TSPAN7: variants seen among roughly 807,000 people sequenced by gnomAD.
The protein encoded by TSPAN7 is tetraspanin 7.
Under a neutral mutation model 17.6 loss-of-function variants are expected in TSPAN7, and 1 was observed. The observed-to-expected ratio is 0.06, with a 90% CI of 0.02 to 0.27. TSPAN7 has a LOEUF of 0.27. Ranked by LOEUF, TSPAN7 falls within the 10% of genes least tolerant of loss-of-function variation. The probability of loss-of-function intolerance (pLI) is 1.00; values close to 1 mark genes in which losing one functional copy is unlikely to be tolerated. For missense variants in TSPAN7, 112 were observed against 201.7 expected (o/e 0.56, Z 2.69); for synonymous variants, 78 against 79.0 (o/e 0.99, Z 0.07).
At chrX:38,562,242 A>G (rs765815458) in intron 1 of TSPAN7, among the ~76,000 whole-genome samples, 9 of 111,682 alleles carry the variant, frequency 8.1e-5, no homozygotes, top group Middle Eastern at 4.6e-3. Flanking sequence ...AGAGGGTCTT[A>G]CATAAGCCGG....
At chrX:38,653,964 T>C (rs1221141900) in intron 1 of TSPAN7, among the ~76,000 whole-genome samples, 2 of 112,232 alleles carry the variant, frequency 1.8e-5, no homozygotes, top group Non-Finnish European at 3.8e-5. Context: ...TATTTATTTT[T>C]AATTATGGCA....
intron 1 of TSPAN7, among the ~76,000 whole-genome samples, chrX:38,631,371 A>G (rs947433401): frequency 8.9e-6 from 1 of 111,958 alleles, no homozygotes; most frequent in Admixed American, 9.5e-5. Flanking sequence ...TTTTAAAAAA[A>G]GGAAAGAGAA....
intron 1 of TSPAN7, among the ~76,000 whole-genome samples, chrX:38,636,113 A>G (rs1166889623): frequency 1.0e-5 from 1 of 97,357 alleles, no homozygotes; most frequent in Non-Finnish European, 2.0e-5. Context: ...TTTATTTTGC[A>G]AAACATAAGG....
At chrX:38,617,173 G>A (rs751503448) in intron 1 of TSPAN7, among the ~76,000 whole-genome samples, 82 of 111,746 alleles carry the variant, frequency 7.3e-4, no homozygotes, top group South Asian at 5.0e-3. Context: ...CCACTTTCTC[G>A]TGCTGAAGAA....
intron 1 of TSPAN7, among the ~76,000 whole-genome samples, chrX:38,577,347 C>A (rs1365275708): frequency 9.0e-6 from 1 of 111,126 alleles, no homozygotes; most frequent in Non-Finnish European, 1.9e-5. Context: ...TCCTCACCCT[C>A]CCCACCATCT....
intron 1 of TSPAN7, among the ~76,000 whole-genome samples, chrX:38,597,272 C>T (rs1391892132): frequency 9.0e-6 from 1 of 111,234 alleles, no homozygotes; most frequent in Non-Finnish European, 1.9e-5. Flanking sequence ...TCAAACAAGG[C>T]AATGCTCTAC....
chrX:38,658,132 G>T (rs1328228655), intron 1 of TSPAN7, among the ~76,000 whole-genome samples: 1 of 110,444 alleles, frequency 9.1e-6, no homozygotes, highest in African/African-American at 3.3e-5. Flanking sequence ...TACCCTGTCT[G>T]GTCATTAGTG....
chrX:38,602,208 A>G (rs1465616132), intron 1 of TSPAN7, among the ~76,000 whole-genome samples: 1 of 112,083 alleles, frequency 8.9e-6, no homozygotes, highest in Admixed American at 9.5e-5. Flanking sequence ...AAGTTTCTGC[A>G]GTAGTATGAT....
intron 1 of TSPAN7, among the ~76,000 whole-genome samples, chrX:38,650,150 T>C (rs998236917): frequency 9.0e-6 from 1 of 111,639 alleles, no homozygotes; most frequent in African/African-American, 3.3e-5. Flanking sequence ...TAGGGAAGGG[T>C]AGCTCCTTTG....
At chrX:38,604,640 A>T (rs1295258358) in intron 1 of TSPAN7, among the ~76,000 whole-genome samples, 1 of 111,301 alleles carries the variant, frequency 9.0e-6, no homozygotes, top group Non-Finnish European at 1.9e-5. Flanking sequence ...GCATTTTTTC[A>T]TGTGTTTTTT....
chrX:38,635,269 A>G (rs1440794776), intron 1 of TSPAN7, among the ~76,000 whole-genome samples: 1 of 111,782 alleles, frequency 8.9e-6, no homozygotes, highest in Non-Finnish European at 1.9e-5. Flanking sequence ...CCAGTCAATT[A>G]AGTCAATTTT....
At chrX:38,604,428 G>C (rs1186210850) in intron 1 of TSPAN7, among the ~76,000 whole-genome samples, 1 of 109,650 alleles carries the variant, frequency 9.1e-6, no homozygotes, top group Admixed American at 9.7e-5. Context: ...TCTAGTTCTA[G>C]ATCCCTGAGG....
chrX:38,641,069 C>A (rs2069608819), intron 1 of TSPAN7, among the ~76,000 whole-genome samples: 1 of 112,355 alleles, frequency 8.9e-6, no homozygotes, highest in South Asian at 3.7e-4. Context: ...AGATTAAAAG[C>A]CAAAGCGTGT....
chrX:38,600,260 G>T (rs1219282961), intron 1 of TSPAN7, among the ~76,000 whole-genome samples: 1 of 111,602 alleles, frequency 9.0e-6, no homozygotes, highest in Non-Finnish European at 1.9e-5. Flanking sequence ...TGGAAGAGCT[G>T]TTCCATATAT....
intron 1 of TSPAN7, among the ~76,000 whole-genome samples, chrX:38,578,799 G>A (rs769883963): frequency 9.0e-6 from 1 of 111,456 alleles, no homozygotes; most frequent in East Asian, 2.8e-4. Context: ...TAAAAACGCT[G>A]TTCAAATGAG....
At chrX:38,633,807 GAAT>G (rs1040259215) in intron 1 of TSPAN7, among the ~76,000 whole-genome samples, 3 of 112,134 alleles carry the variant, frequency 2.7e-5, no homozygotes, top group African/African-American at 9.7e-5. Context: ...ACCATAAAAG[GAAT>G]AATATTTTAA....
chrX:38,595,013 C>G (rs1258219318), intron 1 of TSPAN7, among the ~76,000 whole-genome samples: 1 of 111,221 alleles, frequency 9.0e-6, no homozygotes, highest in African/African-American at 3.3e-5. Flanking sequence ...TCATAGTTAA[C>G]CATTCTCCTA....
At chrX:38,580,216 A>G (rs780123976) in intron 1 of TSPAN7, among the ~76,000 whole-genome samples, 70 of 112,199 alleles carry the variant, frequency 6.2e-4, no homozygotes, top group Non-Finnish European at 8.5e-4. Context: ...TGTATGACCC[A>G]GAAAGCCTAA....
At chrX:38,584,771 C>A (rs1046849205) in intron 1 of TSPAN7, among the ~76,000 whole-genome samples, 1 of 111,770 alleles carries the variant, frequency 8.9e-6, no homozygotes, top group Non-Finnish European at 1.9e-5. Flanking sequence ...TCCCAGAAGC[C>A]ACTTCAGTTC....
Sources: gnomAD v4.1 joint callset for allele counts (sites outside exome capture counted in the v4.1 genomes callset) on GRCh38, gnomAD v4.1.1 for gene constraint, MANE v1.5 for transcripts, NCBI Gene and HGNC (gene_info 2026-07-23, HGNC 2026-07-21) for gene names.